Variants in FAH observed in about 807,000 individuals in gnomAD.
FAH encodes the protein fumarylacetoacetate hydrolase.
In FAH, 47 loss-of-function variants were observed where a neutral mutation model predicts 55.8. That is an observed-to-expected ratio of 0.84 (90% confidence interval 0.67 to 1.07). FAH has a LOEUF of 1.07. FAH is among the 50% of genes least tolerant of loss of function. FAH has a pLI of 0.00. For synonymous variants in FAH, 199 were observed against 207.7 expected (o/e 0.96, Z 0.36); for missense variants, 495 against 545.9 (o/e 0.91, Z 0.93).
rs768365621 is a variant in FAH, at chr15:80,162,288, A to G, written c.407A>G (p.Asn136Ser). The change falls in exon 5 of 14, where the codon AAC becomes AGC. Residue 136 changes from asparagine to serine, a missense_variant. Coordinates refer to ENST00000561421, the MANE Select transcript of FAH (RefSeq NM_000137.4). ...DFYSSRQHAT[N>S]VGIMFRDKEN... ...TATTCCTCTCGGCAGCATGCTACCA[A>G]CGTCGGAATCATGTTCAGGGACAAG... The G allele has an allele frequency of 7.4e-6, 12 of 1,614,228 alleles. No individual in the cohort carries two copies. Among genetic ancestry groups the G allele is most frequent in the Non-Finnish European group, 1.0e-5 (12 of 1,180,046 alleles).
intron 7 of FAH, among the ~76,000 whole-genome samples, chr15:80,168,808 A>G (rs2041217510): frequency 6.6e-6 from 1 of 152,178 alleles, no homozygotes; most frequent in Admixed American, 6.5e-5. Flanking sequence ...TGTCCCTAGC[A>G]CAGGAAGACT....
At chr15:80,153,806 G>T (rs1778273114) in intron 1 of FAH, among the ~76,000 whole-genome samples, 1 of 152,230 alleles carries the variant, frequency 6.6e-6, no homozygotes, top group Non-Finnish European at 1.5e-5. Context: ...TCAGCAAATA[G>T]ATAATAAGAG....
At chr15:80,176,294 G>T (rs2041283604) in intron 10 of FAH, among the ~76,000 whole-genome samples, 1 of 152,198 alleles carries the variant, frequency 6.6e-6, no homozygotes, top group Non-Finnish European at 1.5e-5. Context: ...GGGATTACAG[G>T]CGTGAGCCAC....
chr15:80,167,530 C>CTTTTT (rs11315019), intron 5 of FAH, among the ~76,000 whole-genome samples: 1 of 110,774 alleles, frequency 9.0e-6, no homozygotes, highest in African/African-American at 3.3e-5. Context: ...ATGGCTGTAT[C>CTTTTT]TTTTTTTTTT....
intron 8 of FAH, 35 bp from the exon 9 acceptor site, chr15:80,172,979 C>A: frequency 6.2e-7 from 1 of 1,614,184 alleles, no homozygotes; most frequent in Non-Finnish European, 8.5e-7. Flanking sequence ...CCCTGATCAG[C>A]CTTTGTAAGT....
intron 11 of FAH, among the ~76,000 whole-genome samples, chr15:80,179,354 C>G (rs2041310758): frequency 6.6e-6 from 1 of 152,204 alleles, no homozygotes; most frequent in African/African-American, 2.4e-5. Context: ...AATTTCCCTT[C>G]TAATTTAATA....
At chr15:80,173,239 C>G in intron 9 of FAH, 95 bp downstream of exon 9, 3 of 1,541,898 alleles carry the variant, frequency 1.9e-6, no homozygotes, top group Non-Finnish European at 1.8e-6. Context: ...TGCAGACCAT[C>G]AGGAGGGAAG....
Position 80,181,085 on chromosome 15 carries a change from G to A in FAH, c.1106G>A (p.Gly369Glu). ...TCCATGTTGGAACTGTCGTGGAAGG[G>A]AACGAAGCCCATAGACCTGGGGAAT... ...FGSMLELSWK[G>E]TKPIDLGNGQ... The change falls in exon 13 of 14, where the codon GGA becomes GAA. Residue 369 changes from glycine to glutamate, a missense_variant. Gly to Glu is a moderately conservative substitution (Grantham distance 98). Coordinates refer to ENST00000561421, the MANE Select transcript of FAH (RefSeq NM_000137.4). 1 of 1,613,976 alleles carries A rather than the reference G, an allele frequency of 6.2e-7. No individual in the cohort carries two copies. The highest frequency in any genetic ancestry group is 8.5e-7 in the Non-Finnish European group (1 of 1,179,902).
Position 80,177,609 on chromosome 15 carries a change from C to T in FAH, c.960+26C>T, listed in dbSNP as rs375347666. On this transcript the variant is annotated intron_variant, in intron 11 of 13. Transcript: ENST00000561421. ...GTAAGCTTTGACGCTGATCAGACTG[C>T]TTTTTAGAATTGAGGGAAAGAGAGA... 8.9e-5 allele frequency: 143 copies of T among 1,604,796 alleles called. No individual in the cohort carries two copies. The African/African-American group carries it at 1.6e-3, about 18-fold the overall frequency.
intron 11 of FAH, among the ~76,000 whole-genome samples, chr15:80,177,790 T>C (rs748233821): frequency 1.1e-4 from 16 of 152,216 alleles, no homozygotes; most frequent in Non-Finnish European, 2.2e-4. Flanking sequence ...ATGTGGCCAG[T>C]GATTTTCTTG....
At chr15:80,163,007 A>T (rs1311080364) in intron 5 of FAH, 1 of 161,388 alleles carries the variant, frequency 6.2e-6, no homozygotes, top group Non-Finnish European at 1.4e-5. Flanking sequence ...ACTCAGTGGC[A>T]GGCATACACT....
rs369811048 is a variant in FAH, at chr15:80,169,769, G to A, written c.606+1453G>A. ...AGGATGGTCTCGATCTCCTGACCTC[G>A]TGATCCACCTGCCTCGGCCTCCCAA... On this transcript the variant is annotated intron_variant, in intron 7 of 13. Transcript: ENST00000561421. Among the ~76,000 whole-genome samples the A allele has an allele frequency of 1.4e-4, 22 of 152,206 alleles. 1 individual carries two copies. The East Asian group carries it at 1.6e-3, about 11-fold the overall frequency.
At chr15:80,176,671 C>A (rs1463753489) in intron 10 of FAH, among the ~76,000 whole-genome samples, 3 of 152,228 alleles carry the variant, frequency 2.0e-5, no homozygotes, top group African/African-American at 7.2e-5. Context: ...TGGCCTCCTG[C>A]CACCCACAAT....
Position 80,167,395 on chromosome 15 carries a change from T to C in FAH, c.456-657T>C, listed in dbSNP as rs554650044. 2.6e-5 allele frequency among the ~76,000 whole-genome samples: 4 copies of C among 152,230 alleles called. No individual in the cohort carries two copies. In the South Asian group the frequency reaches 8.3e-4, roughly 32 times the overall value. ...GCCTTCTCCTCCTTTCTACATCTTC[T>C]CTTCTCTTCTGTCTCTTATAAGGAC... On this transcript the variant is annotated intron_variant, in intron 5 of 13. Coordinates refer to ENST00000561421, the MANE Select transcript of FAH (RefSeq NM_000137.4).
intron 7 of FAH, among the ~76,000 whole-genome samples, chr15:80,169,339 C>T (rs1233756090): frequency 2.0e-5 from 3 of 151,788 alleles, no homozygotes; most frequent in Non-Finnish European, 2.9e-5. Flanking sequence ...GCTGAGATCG[C>T]GCCACCACAC....
chr15:80,174,999 G>A lies in FAH; in HGVS notation c.838-17G>A, dbSNP rs1172160767. 6.2e-7 allele frequency: 1 copy of A among 1,613,554 alleles called. No homozygotes were observed. Among genetic ancestry groups the A allele is most frequent in the South Asian group, 1.1e-5 (1 of 91,068 alleles). ...CCCACCTGCCAGTGACCTCTGTGCT[G>A]TGCTTTGCCCTCTCAGGACCCCAGG... On this transcript the variant is annotated splice_polypyrimidine_tract_variant and intron_variant, in intron 9 of 13. Coordinates refer to ENST00000561421, the MANE Select transcript of FAH (RefSeq NM_000137.4).
intron 4 of FAH, among the ~76,000 whole-genome samples, chr15:80,161,650 C>T (rs2041149883): frequency 6.6e-6 from 1 of 152,194 alleles, no homozygotes; most frequent in South Asian, 2.1e-4. Context: ...GGCACTCGGG[C>T]AGAGTCCAAG....
At chr15:80,172,354 G>A in intron 8 of FAH, 106 bp downstream of exon 8, 1 of 837,604 alleles carries the variant, frequency 1.2e-6, no homozygotes, top group East Asian at 2.5e-5. Context: ...AGTGGCAGGT[G>A]ATGCAGTGAC....
intron 13 of FAH, among the ~76,000 whole-genome samples, chr15:80,184,574 C>CTT (rs150367840): frequency 2.0e-5 from 3 of 150,724 alleles, no homozygotes; most frequent in African/African-American, 7.3e-5. Context: ...CTTTAATAGG[C>CTT]TTTTTTTTTC....
Sources: gnomAD v4.1 joint callset for allele counts (sites outside exome capture counted in the v4.1 genomes callset) on GRCh38, gnomAD v4.1.1 for gene constraint, MANE v1.5 for transcripts, NCBI Gene and HGNC (gene_info 2026-07-23, HGNC 2026-07-21) for gene names.